The following LIG1 variants were observed in gnomAD, a reference collection of about 807,000 sequenced individuals.
LIG1 encodes ligase I, DNA, ATP-dependent.
LIG1 carries 70 observed loss-of-function variants against 115.7 expected under a neutral mutation model. The observed-to-expected ratio is 0.60, with a 90% confidence interval of 0.50 to 0.74. The LOEUF is 0.74. LIG1 is among the 30% of genes least tolerant of loss of function. The pLI is 0.00. For missense variants in LIG1, 1,115 were observed against 1,225.6 expected (o/e 0.91, Z 1.35); for synonymous variants, 487 against 495.3 (o/e 0.98, Z 0.22).
At chr19:48,161,826 C>CGT (rs1555782019) in intron 3 of LIG1, among the ~76,000 whole-genome samples, 3 of 123,488 alleles carry the variant, frequency 2.4e-5, no homozygotes, top group African/African-American at 9.3e-5. Flanking sequence ...ATTGGGATGC[C>CGT]TTTTTTTTTT....
chr19:48,151,102 T>G (rs2035445925), intron 7 of LIG1, 130 bp downstream of exon 7: 2 of 645,922 alleles, frequency 3.1e-6, no homozygotes, highest in Admixed American at 2.5e-5. Flanking sequence ...AAAACTATTA[T>G]TCTTCTAGAT....
intron 2 of LIG1, among the ~76,000 whole-genome samples, chr19:48,164,342 GTTTCTGGGATGGATGCCCT>G (rs1388730175): frequency 1.3e-5 from 2 of 152,180 alleles, no homozygotes; most frequent in African/African-American, 4.8e-5. Flanking sequence ...TACCGCCCAG[GTTTCTGGGATGGATGCCCT>G]TGTCTGGGTC....
At chr19:48,152,925 A>G (rs1269936282) in intron 6 of LIG1, among the ~76,000 whole-genome samples, 1 of 152,192 alleles carries the variant, frequency 6.6e-6, no homozygotes, top group African/African-American at 2.4e-5. Flanking sequence ...GGCTGGGCGC[A>G]GTGGCTCACG....
intron 7 of LIG1, 56 bp downstream of exon 7, chr19:48,151,176 T>A: frequency 1.9e-6 from 2 of 1,079,480 alleles, no homozygotes; most frequent in South Asian, 2.5e-5. Context: ...CTCCAAAGAC[T>A]TCTGACCCCA....
chr19:48,117,536 C>A, intron 26 of LIG1, 102 bp downstream of exon 26: 1 of 1,233,090 alleles, frequency 8.1e-7, no homozygotes. Flanking sequence ...CTGATCCTTA[C>A]CTGGAAGAGC....
intron 6 of LIG1, among the ~76,000 whole-genome samples, chr19:48,153,377 T>C (rs1344393105): frequency 1.3e-5 from 2 of 151,248 alleles, no homozygotes; most frequent in African/African-American, 2.4e-5. Flanking sequence ...TGCAACTTTA[T>C]GGTAAAATTT....
At chr19:48,146,321 G>T (rs1386374483) in intron 9 of LIG1, among the ~76,000 whole-genome samples, 2 of 152,164 alleles carry the variant, frequency 1.3e-5, no homozygotes, top group African/African-American at 4.8e-5. Flanking sequence ...TGGCCAACAT[G>T]GAGAAATTAA....
intron 26 of LIG1, among the ~76,000 whole-genome samples, chr19:48,116,843 A>C (rs1031161388): frequency 6.6e-6 from 1 of 152,174 alleles, no homozygotes; most frequent in Non-Finnish European, 1.5e-5. Flanking sequence ...AAATTAGATC[A>C]AAAATGTAAG....
intron 21 of LIG1, among the ~76,000 whole-genome samples, chr19:48,126,228 G>C (rs568261828): frequency 6.6e-6 from 1 of 152,036 alleles, no homozygotes; most frequent in Admixed American, 6.5e-5. Context: ...GGGATATGAC[G>C]GCATGTGGCC....
chr19:48,155,959 C>G (rs897110075), intron 5 of LIG1, among the ~76,000 whole-genome samples: 3 of 152,224 alleles, frequency 2.0e-5, no homozygotes, highest in African/African-American at 7.2e-5. Flanking sequence ...CCCTGTCACA[C>G]TCACCACGCT....
intron 19 of LIG1, among the ~76,000 whole-genome samples, chr19:48,130,459 C>A (rs1256420010): frequency 2.0e-5 from 3 of 152,254 alleles, no homozygotes; most frequent in Non-Finnish European, 2.9e-5. Flanking sequence ...TGAGGCCCAG[C>A]CCTGTATGAC....
At chr19:48,121,052 C>T (rs958500220) in intron 24 of LIG1, 118 bp downstream of exon 24, 17 of 1,571,214 alleles carry the variant, frequency 1.1e-5, no homozygotes, top group African/African-American at 9.5e-5. Flanking sequence ...CTGGGGAGAA[C>T]GGATCCTTCA....
rs2035702466 is a variant in LIG1 at position 48,154,379 on chromosome 19, GGA to G, written c.371-414_371-413del. The G allele has an allele frequency of 2.1e-5, 6 of 281,618 alleles. No individual in the cohort carries two copies. The South Asian group carries it at 2.3e-4, about 11-fold the overall frequency. 17.4% of individuals were successfully genotyped at this position (281,618 alleles called of 1,614,324 possible). On this transcript the variant is annotated intron_variant, in intron 5 of 27. Transcript: ENST00000263274. ...AGTGGCAGGGAATAAACTAGCCCCA[GGA>G]GAGGCCCTCACCCCACGATCGGCAG...
At position 48,122,947 on chromosome 19, in the gene LIG1, T is replaced by G. The variant is rs758206171; in HGVS notation, c.2219A>C (p.His740Pro). 6.2e-7 allele frequency: 1 copy of G among 1,612,738 alleles called. No homozygotes were observed. Among genetic ancestry groups the G allele is most frequent in the Non-Finnish European group, 8.5e-7 (1 of 1,179,788 alleles). The stretch of plus-strand genomic sequence containing the variant: ...GTCGAGAATCACCTTGAGCCAGTTG[T>G]GCGATCTCTTGGCGATCTCGTAGGT... The part of the protein sequence containing the change: ...DATYEIAKRS[H>P]NWLKLKKDYL... Residue 740 changes from histidine to proline, a missense_variant, in exon 23 of 28, where the codon CAC becomes CCC. Transcript: ENST00000263274. The surrounding 1 kb of genome is among the most constrained non-coding windows in gnomAD (Gnocchi z 4.3).
At chr19:48,156,809 C>T (rs1276614704) in intron 5 of LIG1, among the ~76,000 whole-genome samples, 1 of 151,896 alleles carries the variant, frequency 6.6e-6, no homozygotes, top group South Asian at 2.1e-4. Flanking sequence ...GGCATGGTGG[C>T]GGGCTCCTGT....
chr19:48,161,428 C>T lies in LIG1; in HGVS notation c.187G>A (p.Val63Ile). The T allele has an allele frequency of 9.3e-6, 15 of 1,614,186 alleles. No individual in the cohort carries two copies. The highest frequency in any genetic ancestry group is 1.3e-5 in the Non-Finnish European group (15 of 1,180,046). The change falls in exon 4 of 28, where the codon GTC becomes ATC. Residue 63 changes from valine (V) to isoleucine (I), a missense_variant. Val to Ile is a conservative substitution (Grantham distance 29). Transcript: ENST00000263274. ...TCCTCTTCCCCTTCGCTGCCCAGGA[C>T]CCGGGCCGCCTTCCTCCCTGGCCTC... ...VKRPGRKAAR[V>I]LGSEGEEEDE...
chr19:48,128,092 A>G, intron 19 of LIG1, 72 bp from the exon 20 acceptor site: 3 of 1,193,690 alleles, frequency 2.5e-6, no homozygotes, highest in Non-Finnish European at 3.8e-6. Context: ...ACACGGGGAG[A>G]TAAATTCCCT....
Position 48,143,915 on chromosome 19 carries a change from G to T in LIG1, c.825C>A (p.Pro275=). The T allele has an allele frequency of 6.2e-7, 1 of 1,613,974 alleles. No individual in the cohort carries two copies. The highest frequency in any genetic ancestry group is 1.1e-5 in the South Asian group (1 of 91,068). ...GYNPAKNNYH[P]VEDACWKPGQ... ...CCGGTTTCCAGCAGGCATCTTCCAC[G>T]GGATGATAGTTGTTCTTGGCAGGAT... is the stretch of plus-strand genomic sequence containing the variant. The change falls in exon 10 of 28, where the codon CCC becomes CCA. Residue 275 remains proline (P), a synonymous_variant. Transcript: ENST00000263274.
Position 48,115,595 on chromosome 19 carries a change from C to T in LIG1, c.*54G>A, listed in dbSNP as rs374815409. 3 of 1,330,020 alleles carry T rather than the reference C, an allele frequency of 2.3e-6. No homozygotes were observed. Among genetic ancestry groups the T allele is most frequent in the Non-Finnish European group, 2.2e-6 (2 of 922,504 alleles). The allele number at this position is 1,330,020 out of a possible 1,614,324, so 82.4% of individuals were successfully genotyped here. A position where few individuals can be genotyped will look rare whatever the true frequency, so the allele number is the denominator to read the frequency against. On this transcript the variant is annotated 3_prime_UTR_variant, in exon 28 of 28. Coordinates refer to ENST00000263274, the MANE Select transcript of LIG1 (RefSeq NM_000234.3). ...TGCTAAAAAGCAAAGGCAATAATAA[C>T]CCTGGGGTCCGTCCAACTCATGCCC...
Sources: gnomAD v4.1 joint callset for allele counts (sites outside exome capture counted in the v4.1 genomes callset) on GRCh38, gnomAD v4.1.1 for gene constraint, Gnocchi (gnomAD v3.1) non-coding constraint, MANE v1.5 for transcripts, NCBI Gene and HGNC (gene_info 2026-07-23, HGNC 2026-07-21) for gene names.